The following NAV2 variants were observed in gnomAD, a reference collection of about 807,000 sequenced individuals.
The protein encoded by NAV2 is neuron navigator 2.
A neutral mutation model predicts 223.2 loss-of-function variants in NAV2; 54 were observed. The ratio of observed to expected loss-of-function variants is 0.24; its 90% CI spans 0.19 to 0.30. The LOEUF (loss-of-function observed/expected upper bound fraction) is 0.30. Among genes scored for constraint, NAV2 ranks in the 10% least tolerant of loss-of-function variants. The pLI, the probability that NAV2 is intolerant of heterozygous loss-of-function variation, is 1.00. For synonymous variants in NAV2, 1,279 were observed against 1,239.3 expected (o/e 1.03, Z -0.67); for missense variants, 2,806 against 3,147.5 (o/e 0.89, Z 2.60).
Position 20,009,878 on chromosome 11 carries a change from A to G in NAV2, c.2768+25631A>G, listed in dbSNP as rs145479472. Among the ~76,000 whole-genome samples, 66 of 152,072 alleles carry G rather than the reference A, an allele frequency of 4.3e-4. No individual in the cohort carries two copies. The South Asian group carries it at 8.7e-3, about 20-fold the overall frequency. On this transcript the variant is annotated intron_variant, in intron 11 of 37. Coordinates refer to ENST00000349880, the MANE Select transcript of NAV2 (RefSeq NM_145117.5). ...TCACCTCCTCCAGGAAGCCTTCTCTACCCCACACCAAAGACCAGATTGGGT... is the reference window on the plus strand; with the variant it reads ...TCACCTCCTCCAGGAAGCCTTCTCTGCCCCACACCAAAGACCAGATTGGGT...
chr11:19,512,191 G>A (rs1419062327), intron 1 of NAV2, among the ~76,000 whole-genome samples: 1 of 152,238 alleles, frequency 6.6e-6, no homozygotes, highest in South Asian at 2.1e-4. Context: ...GGGGTGGAAA[G>A]AGGGGAGGGT....
At chr11:20,054,023 G>T in intron 17 of NAV2, 57 bp from the exon 18 acceptor site, 1 of 1,549,856 alleles carries the variant, frequency 6.5e-7, no homozygotes, top group Admixed American at 1.9e-5. Context: ...GCTCCACAGA[G>T]TTCATTTTAA....
intron 1 of NAV2, among the ~76,000 whole-genome samples, chr11:19,636,914 G>A (rs2047518215): frequency 6.6e-6 from 1 of 152,088 alleles, no homozygotes; most frequent in Admixed American, 6.5e-5. Context: ...GTGATAATGA[G>A]TTTCCTCTTA....
intron 2 of NAV2, among the ~76,000 whole-genome samples, chr11:19,841,692 G>C (rs2060520047): frequency 1.3e-5 from 2 of 152,120 alleles, no homozygotes; most frequent in South Asian, 4.1e-4. Context: ...TGAGGACATG[G>C]GATTGCAGAG....
chr11:19,784,451 TATA>T (rs1048189682), intron 1 of NAV2, among the ~76,000 whole-genome samples: 1 of 148,098 alleles, frequency 6.8e-6, no homozygotes, highest in Non-Finnish European at 1.5e-5. Context: ...ATGAATATTG[TATA>T]ATAATAATAG....
intron 1 of NAV2, among the ~76,000 whole-genome samples, chr11:19,404,766 C>G (rs563473479): frequency 5.9e-5 from 9 of 152,206 alleles, no homozygotes; most frequent in Admixed American, 1.3e-4. Flanking sequence ...GCACTTTAAA[C>G]ATTTACTCTG....
chr11:20,052,342 G>T (rs116321297), intron 17 of NAV2, among the ~76,000 whole-genome samples: 1 of 152,212 alleles, frequency 6.6e-6, no homozygotes, highest in Non-Finnish European at 1.5e-5. Context: ...AATCTAAGAA[G>T]GAAAGTATTA....
intron 1 of NAV2, among the ~76,000 whole-genome samples, chr11:19,576,881 C>T (rs889318180): frequency 4.6e-5 from 7 of 152,174 alleles, no homozygotes; most frequent in African/African-American, 1.7e-4. Flanking sequence ...GGGAAGGTGT[C>T]CTGGGGTCCT....
chr11:19,850,352 G>A (rs936610805), intron 3 of NAV2, among the ~76,000 whole-genome samples: 4 of 152,076 alleles, frequency 2.6e-5, no homozygotes, highest in African/African-American at 9.7e-5. Flanking sequence ...GAAATACCAT[G>A]TCTTTCACTT....
At chr11:19,457,254 A>G (rs146357649) in intron 1 of NAV2, among the ~76,000 whole-genome samples, 77 of 152,368 alleles carry the variant, frequency 5.1e-4, no homozygotes, top group Non-Finnish European at 8.7e-4. Flanking sequence ...AAATCAAAAT[A>G]GAGTAATGTG....
intron 1 of NAV2, among the ~76,000 whole-genome samples, chr11:19,686,016 T>C (rs990276769): frequency 6.6e-6 from 1 of 152,132 alleles, no homozygotes; most frequent in Admixed American, 6.5e-5. Flanking sequence ...AGATCTTGCA[T>C]GCTCACACTC....
chr11:19,883,470 T>G (rs550034248), intron 5 of NAV2, among the ~76,000 whole-genome samples: 141 of 152,294 alleles, frequency 9.3e-4, no homozygotes, highest in Non-Finnish European at 1.6e-3. Flanking sequence ...GGACTTGCTT[T>G]TTTTCCTCCA....
At chr11:19,415,161 G>T (rs994971859) in intron 1 of NAV2, among the ~76,000 whole-genome samples, 1 of 152,128 alleles carries the variant, frequency 6.6e-6, no homozygotes, top group Non-Finnish European at 1.5e-5. Context: ...CCAGAAGCTG[G>T]TTTTTTGAGA....
chr11:19,880,132 G>A lies in NAV2; in HGVS notation c.770+5G>A. The A allele has an allele frequency of 6.4e-7, 1 of 1,566,898 alleles. No homozygotes were observed. The highest frequency in any genetic ancestry group is 2.3e-5 in the East Asian group (1 of 44,090). ...ACAAGCTGAAATGCAGTCCAGGTGG[G>A]GGCTCCTTGCCAACTGATGGTTCTG... is the stretch of plus-strand genomic sequence containing the variant. On this transcript the variant is annotated splice_donor_5th_base_variant and intron_variant, in intron 5 of 37. Coordinates refer to ENST00000349880, the MANE Select transcript of NAV2 (RefSeq NM_145117.5).
chr11:19,482,779 A>G (rs957321474), intron 1 of NAV2, among the ~76,000 whole-genome samples: 4 of 152,342 alleles, frequency 2.6e-5, no homozygotes, highest in Admixed American at 2.0e-4. Flanking sequence ...TGTTTAAGAC[A>G]TGGGTAAATG....
chr11:19,897,610 T>C (rs2042093497), intron 6 of NAV2, among the ~76,000 whole-genome samples: 1 of 152,032 alleles, frequency 6.6e-6, no homozygotes, highest in Non-Finnish European at 1.5e-5. Flanking sequence ...GAGACTCCCA[T>C]GAAATTCATT....
chr11:19,400,493 A>C (rs769984910), intron 1 of NAV2, among the ~76,000 whole-genome samples: 1 of 152,160 alleles, frequency 6.6e-6, no homozygotes, highest in Non-Finnish European at 1.5e-5. Context: ...CTAGGAAAAC[A>C]ACACAGGAAC....
chr11:19,768,688 G>A (rs1321932883), intron 1 of NAV2, among the ~76,000 whole-genome samples: 2 of 152,164 alleles, frequency 1.3e-5, no homozygotes, highest in African/African-American at 4.8e-5. Context: ...CAGAAGCTTA[G>A]GTTCCAGGCT....
At chr11:19,950,090 C>T (rs1233482638) in intron 10 of NAV2, among the ~76,000 whole-genome samples, 7 of 152,188 alleles carry the variant, frequency 4.6e-5, no homozygotes, top group African/African-American at 7.2e-5. Flanking sequence ...GGGACTTCTT[C>T]CTTCATCTGT....
Sources: allele counts gnomAD v4.1 joint callset (sites outside exome capture counted in the v4.1 genomes callset), GRCh38; gene constraint gnomAD v4.1.1; transcripts MANE v1.5; gene names NCBI Gene and HGNC (gene_info 2026-07-23, HGNC 2026-07-21).